The following PRRC2C variants were observed in gnomAD, a reference collection of about 807,000 sequenced individuals.
PRRC2C encodes protein PRRC2C.
A neutral mutation model predicts 317.2 loss-of-function variants in PRRC2C; 72 were observed. The ratio of observed to expected loss-of-function variants is 0.23; its 90% CI spans 0.19 to 0.28. PRRC2C has a LOEUF of 0.28. Ranked by LOEUF, PRRC2C falls within the 10% of genes least tolerant of loss-of-function variation. The pLI, the probability that PRRC2C is intolerant of heterozygous loss-of-function variation, is 1.00. For missense variants in PRRC2C, 3,074 were observed against 3,459.7 expected, an observed-to-expected ratio of 0.89 and a Z score of 2.80; for synonymous variants, 1,296 against 1,205.9, an observed-to-expected ratio of 1.07 and a Z score of -1.55.
chr1:171,493,164 G>A (rs1044795694), intron 1 of PRRC2C, among the ~76,000 whole-genome samples: 5 of 152,106 alleles, frequency 3.3e-5, no homozygotes, highest in Non-Finnish European at 5.9e-5. Context: ...ATGATACGGA[G>A]GGATGTTAAC....
intron 17 of PRRC2C, among the ~76,000 whole-genome samples, chr1:171,547,680 G>C (rs1179040530): frequency 9.5e-6 from 1 of 105,444 alleles, no homozygotes; most frequent in African/African-American, 3.8e-5. Context: ...GTCTTGCTCT[G>C]TCCCCCAGGC....
chr1:171,512,027 T>C lies in PRRC2C; in HGVS notation c.-57-5T>C. On this transcript the variant is annotated splice_region_variant and splice_polypyrimidine_tract_variant and intron_variant, in intron 1 of 34. Transcript: ENST00000647382. ...CTTATTTTTCTTTCTTATGTACATCTTAAGGACTGGGGTTTTAAGGGGTGT... is the reference window on the plus strand; with the variant it reads ...CTTATTTTTCTTTCTTATGTACATCCTAAGGACTGGGGTTTTAAGGGGTGT... The C allele has an allele frequency of 5.7e-6, 5 of 872,824 alleles. No individual in the cohort carries two copies. The highest frequency in any genetic ancestry group is 8.8e-6 in the Non-Finnish European group (5 of 568,482). The allele number at this position is 872,824 out of a possible 1,614,324, so 54.1% of individuals were successfully genotyped here. A position where few individuals can be genotyped will look rare whatever the true frequency, so the allele number is the denominator to read the frequency against.
At chr1:171,580,236 G>A (rs575355895) in intron 28 of PRRC2C, among the ~76,000 whole-genome samples, 44 of 152,290 alleles carry the variant, frequency 2.9e-4, no homozygotes, top group African/African-American at 1.0e-3. Context: ...GAAAGTAGCT[G>A]CTAAAGAACC....
chr1:171,516,783 A>G (rs1672456532), intron 5 of PRRC2C, among the ~76,000 whole-genome samples: 1 of 152,232 alleles, frequency 6.6e-6, no homozygotes, highest in Non-Finnish European at 1.5e-5. Flanking sequence ...CTGTACTTCC[A>G]AACTGACTGG....
chr1:171,498,073 C>T (rs928180934), intron 1 of PRRC2C, among the ~76,000 whole-genome samples: 26 of 151,338 alleles, frequency 1.7e-4, no homozygotes, highest in Admixed American at 1.1e-3. Flanking sequence ...GCCATCCTTC[C>T]GCCTCGGCTT....
chr1:171,583,833 T>A (rs1649257299), intron 28 of PRRC2C, 123 bp from the exon 29 acceptor site: 4 of 778,498 alleles, frequency 5.1e-6, no homozygotes, highest in Non-Finnish European at 8.2e-6. Context: ...TGTGGTCTGT[T>A]GTTGACTAAA....
chr1:171,571,056 A>G (rs1684699006), intron 23 of PRRC2C, among the ~76,000 whole-genome samples: 1 of 152,192 alleles, frequency 6.6e-6, no homozygotes, highest in Non-Finnish European at 1.5e-5. Context: ...CCTTCTGAGT[A>G]TACACCTTAT....
intron 18 of PRRC2C, among the ~76,000 whole-genome samples, chr1:171,551,375 G>C (rs570647865): frequency 6.6e-6 from 1 of 152,262 alleles, no homozygotes; most frequent in Admixed American, 6.5e-5. Flanking sequence ...TTTGTCAGAT[G>C]AGTAGATTGC....
chr1:171,535,721 C>A, intron 13 of PRRC2C, 124 bp downstream of exon 13: 1 of 1,232,910 alleles, frequency 8.1e-7, no homozygotes, highest in Non-Finnish European at 1.1e-6. Flanking sequence ...AATTATTTTT[C>A]CTTGTAAATA....
At chr1:171,547,633 C>CTTTTTTTTTTTTTTTT (rs35480518) in intron 17 of PRRC2C, among the ~76,000 whole-genome samples, 3 of 129,840 alleles carry the variant, frequency 2.3e-5, no homozygotes, top group African/African-American at 5.8e-5. Flanking sequence ...AGTTTCCCTT[C>CTTTTTTTTTTTTTTTT]TTTTTTTTTT....
chr1:171,572,808 CTAT>C (rs1685009532), intron 24 of PRRC2C, among the ~76,000 whole-genome samples: 2 of 152,188 alleles, frequency 1.3e-5, no homozygotes, highest in South Asian at 4.2e-4. Flanking sequence ...TTTAGAATAC[CTAT>C]TCAACTTTGC....
At chr1:171,497,981 ATTTTTT>A (rs60519098) in intron 1 of PRRC2C, among the ~76,000 whole-genome samples, 23 of 130,662 alleles carry the variant, frequency 1.8e-4, no homozygotes, top group Non-Finnish European at 2.8e-4. Context: ...TACCCAGCTA[ATTTTTT>A]TTTTTTTTTT....
intron 25 of PRRC2C, among the ~76,000 whole-genome samples, chr1:171,576,941 C>T (rs1272106211): frequency 6.6e-6 from 1 of 152,142 alleles, no homozygotes; most frequent in African/African-American, 2.4e-5. Flanking sequence ...CCAGTTTTTG[C>T]AGGAGAGAGA....
intron 23 of PRRC2C, among the ~76,000 whole-genome samples, chr1:171,569,443 G>A (rs999663856): frequency 6.6e-6 from 1 of 151,060 alleles, no homozygotes; most frequent in African/African-American, 2.4e-5. Flanking sequence ...TACTAAATAT[G>A]TAGCTGAGAA....
At chr1:171,574,855 A>C in intron 24 of PRRC2C, 72 bp from the exon 25 acceptor site, 1 of 1,362,630 alleles carries the variant, frequency 7.3e-7, no homozygotes, top group Non-Finnish European at 1.0e-6. Context: ...TTAAATACTG[A>C]TACATGTATA....
chr1:171,587,332 C>CA (rs1424928985), intron 31 of PRRC2C, 111 bp downstream of exon 31: 2 of 986,690 alleles, frequency 2.0e-6, no homozygotes, highest in Admixed American at 5.8e-5. Context: ...TACCACCCTG[C>CA]AAAAATCTCA....
At chr1:171,511,091 A>G (rs555301241) in intron 1 of PRRC2C, 29 of 152,244 alleles carry the variant, frequency 1.9e-4, no homozygotes, top group South Asian at 1.0e-3. Flanking sequence ...TACCTATTCT[A>G]TACTATCTTT....
intron 23 of PRRC2C, among the ~76,000 whole-genome samples, chr1:171,570,499 A>G (rs1684603236): frequency 6.6e-6 from 1 of 152,184 alleles, no homozygotes; most frequent in African/African-American, 2.4e-5. Context: ...AAGAATCTCC[A>G]TTAGGTAGTC....
At chr1:171,518,641 G>A (rs1165182461) in intron 6 of PRRC2C, among the ~76,000 whole-genome samples, 1 of 136,894 alleles carries the variant, frequency 7.3e-6, no homozygotes, top group Non-Finnish European at 1.5e-5. Context: ...GAAATTACAG[G>A]CATATGCCAC....
Sources: gnomAD v4.1 joint callset for allele counts (sites outside exome capture counted in the v4.1 genomes callset) on GRCh38, gnomAD v4.1.1 for gene constraint, MANE v1.5 for transcripts, NCBI Gene and HGNC (gene_info 2026-07-23, HGNC 2026-07-21) for gene names.